RGPD2: variants seen among roughly 807,000 people sequenced by gnomAD.
The protein encoded by RGPD2 is RANBP2 like and GRIP domain containing 2.
In RGPD2, 2 loss-of-function variants were observed where a neutral mutation model predicts 36.0. The ratio of observed to expected loss-of-function variants is 0.06; its 90% CI spans 0.02 to 0.17. The LOEUF (loss-of-function observed/expected upper bound fraction) is 0.17. RGPD2 is among the 10% of genes least tolerant of loss of function. The probability of loss-of-function intolerance (pLI) is 1.00; values close to 1 mark genes in which losing one functional copy is unlikely to be tolerated. For missense variants in RGPD2, 40 were observed against 464.3 expected, an observed-to-expected ratio of 0.09 and a Z score of 8.40; for synonymous variants, 19 against 163.8, an observed-to-expected ratio of 0.12 and a Z score of 6.75.
upstream of RGPD2, among the ~76,000 whole-genome samples, chr2:87,829,548 G>A (rs576107567): frequency 6.3e-3 from 963 of 151,832 alleles, 3 homozygotes; most frequent in African/African-American, 0.023. Flanking sequence ...CATGGCTGGG[G>A]AGGCCTCAAA....
chr2:87,875,020 G>A, the RGPD2 span, among the ~76,000 whole-genome samples: 2 of 152,178 alleles, frequency 1.3e-5, no homozygotes, highest in Non-Finnish European at 2.9e-5. Context: ...CCTGTTGTTG[G>A]TGTATGGGAA....
At chr2:87,891,717 CACCT>C in the RGPD2 span, among the ~76,000 whole-genome samples, 3,205 of 20,508 alleles carry the variant, frequency 0.16, 365 homozygotes, top group Middle Eastern at 0.23. Flanking sequence ...GTTTGTCTCC[CACCT>C]ACCTGTGACC....
chr2:87,870,343 C>A, the RGPD2 span, among the ~76,000 whole-genome samples: 1 of 152,394 alleles, frequency 6.6e-6, no homozygotes, highest in East Asian at 1.9e-4. Flanking sequence ...CCTTGTCTAA[C>A]TCTTTACACA....
chr2:87,985,675 A>G, the RGPD2 span: 1 of 1,412,548 alleles, frequency 7.1e-7, no homozygotes, highest in Non-Finnish European at 9.9e-7. Context: ...CCAATTATGC[A>G]ACCATTACAT....
chr2:87,911,817 TTA>T, the RGPD2 span, among the ~76,000 whole-genome samples: 2 of 151,872 alleles, frequency 1.3e-5, no homozygotes, highest in Non-Finnish European at 2.9e-5. Flanking sequence ...CACTTTGAGT[TTA>T]TGAGTTTGAA....
the RGPD2 span, among the ~76,000 whole-genome samples, chr2:87,834,748 T>A: frequency 6.6e-6 from 1 of 152,074 alleles, no homozygotes; most frequent in Non-Finnish European, 1.5e-5. Context: ...ATTGTTAAGA[T>A]GCCCATATTC....
chr2:87,813,182 C>T (rs1686171616), intron 4 of RGPD2, among the ~76,000 whole-genome samples: 1 of 152,212 alleles, frequency 6.6e-6, no homozygotes, highest in African/African-American at 2.4e-5. Flanking sequence ...ATGCTATAAT[C>T]CCTTATATCC....
the RGPD2 span, among the ~76,000 whole-genome samples, chr2:87,974,446 G>A: frequency 6.6e-6 from 1 of 151,294 alleles, no homozygotes; most frequent in African/African-American, 2.4e-5. Context: ...TGTACATCCT[G>A]TGACCTATTT....
At chr2:87,943,719 T>A in the RGPD2 span, among the ~76,000 whole-genome samples, 1 of 151,762 alleles carries the variant, frequency 6.6e-6, no homozygotes, top group Non-Finnish European at 1.5e-5. Flanking sequence ...TTGCCTACAA[T>A]AATGTCGTGG....
chr2:87,805,743 C>G (rs1456437335), intron 7 of RGPD2, among the ~76,000 whole-genome samples: 1 of 152,090 alleles, frequency 6.6e-6, no homozygotes, highest in African/African-American at 2.4e-5. Flanking sequence ...GCTTGTAGTT[C>G]CAGCTACTCG....
chr2:87,879,208 T>TA, the RGPD2 span, among the ~76,000 whole-genome samples: 1 of 151,864 alleles, frequency 6.6e-6, no homozygotes, highest in East Asian at 1.9e-4. Context: ...GTACATAAGA[T>TA]ACTTTGATAT....
chr2:87,984,763 T>A, the RGPD2 span, among the ~76,000 whole-genome samples: 1 of 150,150 alleles, frequency 6.7e-6, no homozygotes, highest in Admixed American at 6.7e-5. Context: ...ACCCCATCTC[T>A]ACTAAAAATA....
chr2:87,877,148 C>T, the RGPD2 span, among the ~76,000 whole-genome samples: 1 of 151,966 alleles, frequency 6.6e-6, no homozygotes, highest in East Asian at 1.9e-4. Flanking sequence ...GGTCTTGACT[C>T]TTTATCTAGC....
the RGPD2 span, among the ~76,000 whole-genome samples, chr2:87,875,264 G>T: frequency 2.6e-5 from 4 of 152,264 alleles, no homozygotes; most frequent in East Asian, 1.9e-4. Flanking sequence ...GTAAGAGAGG[G>T]TGTGCTTGTT....
upstream of RGPD2, among the ~76,000 whole-genome samples, chr2:87,827,961 AC>A (rs1057428694): frequency 2.1e-5 from 3 of 139,712 alleles, no homozygotes; most frequent in African/African-American, 7.9e-5. Flanking sequence ...CCCAGAGAAT[AC>A]TTTAATGCTC....
At chr2:87,966,550 G>T in the RGPD2 span, among the ~76,000 whole-genome samples, 1 of 151,340 alleles carries the variant, frequency 6.6e-6, no homozygotes, top group Non-Finnish European at 1.5e-5. Flanking sequence ...CTGTGCTTTT[G>T]TGACAAAAGC....
chr2:87,894,605 G>A, the RGPD2 span, among the ~76,000 whole-genome samples: 22 of 152,020 alleles, frequency 1.4e-4, no homozygotes, highest in Non-Finnish European at 1.9e-4. Context: ...TATAACCTGC[G>A]AGGAAACAGC....
chr2:87,838,975 AT>A, the RGPD2 span, among the ~76,000 whole-genome samples: 1 of 117,444 alleles, frequency 8.5e-6, no homozygotes, highest in African/African-American at 3.2e-5. Context: ...CAAAGGTTTC[AT>A]AAAAAAAAAT....
intron 22 of RGPD2, chr2:87,767,034 TA>T (rs1391143799): frequency 1.1e-4 from 17 of 151,602 alleles, no homozygotes; most frequent in African/African-American, 3.6e-4. Flanking sequence ...TGCTACTGGT[TA>T]AAAATAACTC....
Sources: allele counts gnomAD v4.1 joint callset (sites outside exome capture counted in the v4.1 genomes callset), GRCh38; gene constraint gnomAD v4.1.1; transcripts MANE v1.5; gene names NCBI Gene and HGNC (gene_info 2026-07-23, HGNC 2026-07-21).